LPIN2: variants seen among roughly 807,000 people sequenced by gnomAD.
LPIN2 encodes lipin 2, also known as phosphatidate phosphatase LPIN2.
Under a neutral mutation model 111.4 loss-of-function variants are expected in LPIN2, and 55 were observed. The ratio of observed to expected loss-of-function variants is 0.49; its 90% CI spans 0.40 to 0.62. LPIN2 has a LOEUF of 0.62. Ranked by LOEUF, LPIN2 falls within the 20% of genes least tolerant of loss-of-function variation. The pLI is 0.00. For missense variants in LPIN2, 992 were observed against 1,112.1 expected (o/e 0.89, Z 1.54); for synonymous variants, 425 against 414.0 (o/e 1.03, Z -0.32).
intron 1 of LPIN2, among the ~76,000 whole-genome samples, chr18:2,970,096 T>C (rs1434526750): frequency 6.6e-6 from 1 of 152,246 alleles, no homozygotes; most frequent in Non-Finnish European, 1.5e-5. Context: ...TAAGGACCCC[T>C]TCCACAATTA....
intron 4 of LPIN2, among the ~76,000 whole-genome samples, chr18:2,949,635 A>G (rs994643373): frequency 6.6e-6 from 1 of 152,180 alleles, no homozygotes; most frequent in East Asian, 1.9e-4. Flanking sequence ...AAAAATGGCT[A>G]TGTTACTTAT....
intron 6 of LPIN2, 57 bp from the exon 7 acceptor site, chr18:2,938,094 T>G (rs1206025968): frequency 1.5e-6 from 2 of 1,347,508 alleles, no homozygotes; most frequent in African/African-American, 2.9e-5. Context: ...TGTTATAATC[T>G]ATTTCCTAAG....
At chr18:2,968,773 G>C (rs2077852335) in intron 1 of LPIN2, among the ~76,000 whole-genome samples, 1 of 152,200 alleles carries the variant, frequency 6.6e-6, no homozygotes, top group South Asian at 2.1e-4. Context: ...CTTTGACCCT[G>C]TGCAAGTTTA....
intron 2 of LPIN2, among the ~76,000 whole-genome samples, chr18:2,958,256 A>G (rs2077654810): frequency 6.6e-6 from 1 of 151,796 alleles, no homozygotes; most frequent in Non-Finnish European, 1.5e-5. Context: ...TATCAAGTAC[A>G]CATTTACCTT....
At position 2,931,344 on chromosome 18, in the gene LPIN2, G is replaced by A. The variant is rs748919467; in HGVS notation, c.1368C>T (p.Thr456=). 31 of 1,613,996 alleles carry A rather than the reference G, an allele frequency of 1.9e-5. No individual in the cohort carries two copies. The highest frequency in any genetic ancestry group is 1.1e-4 in the East Asian group (5 of 44,898). The part of the protein sequence containing the change: ...SVGSAAADSG[T]ECLSDSAMDL... ...CCATGGCAGAATCTGAGAGGCACTC[G>A]GTGCCGCTATCTGCAGCTGCGCTTC... The change falls in exon 9 of 20, where the codon ACC becomes ACT. Residue 456 remains threonine, a synonymous_variant. Coordinates refer to ENST00000677752, the MANE Select transcript of LPIN2 (RefSeq NM_001375808.2).
At chr18:3,004,325 G>C (rs748817457) in intron 1 of LPIN2, among the ~76,000 whole-genome samples, 2 of 152,056 alleles carry the variant, frequency 1.3e-5, no homozygotes, top group Admixed American at 6.6e-5. Context: ...TTTGGGGCTC[G>C]GGGTCATCAT....
chr18:3,012,891 G>A lies in LPIN2; in HGVS notation c.-10+196C>T, dbSNP rs938401102. 9.2e-5 allele frequency among the ~76,000 whole-genome samples: 14 copies of A among 151,652 alleles called. No individual in the cohort carries two copies. In the South Asian group the frequency reaches 2.3e-3, roughly 25 times the overall value. On this transcript the variant is annotated intron_variant, in intron 1 of 19. Transcript: ENST00000677752. ...CGTCTACGTGGCGCGGTCGCGGCGA[G>A]GCGGGGACTGGGACGCGAGGACCGG...
intron 18 of LPIN2, 162 bp from the exon 19 acceptor site, chr18:2,921,043 AAACT>A: frequency 1.5e-6 from 1 of 687,704 alleles, no homozygotes; most frequent in Non-Finnish European, 2.6e-6. Flanking sequence ...AGACAAACCT[AAACT>A]ACAGAGTGGT....
intron 1 of LPIN2, among the ~76,000 whole-genome samples, chr18:3,003,633 TTTC>T (rs1406640090): frequency 6.6e-6 from 1 of 152,236 alleles, no homozygotes; most frequent in Non-Finnish European, 1.5e-5. Context: ...CATCTTATAA[TTTC>T]TTATGTCTGT....
chr18:2,937,385 A>C (rs1434837802), intron 7 of LPIN2, among the ~76,000 whole-genome samples: 1 of 151,978 alleles, frequency 6.6e-6, no homozygotes, highest in African/African-American at 2.4e-5. Context: ...CTCTATTAAA[A>C]ATACAAAAAA....
intron 2 of LPIN2, among the ~76,000 whole-genome samples, chr18:2,958,141 CAA>C (rs1224779773): frequency 8.4e-5 from 1 of 11,952 alleles, no homozygotes; most frequent in African/African-American, 1.9e-4. Flanking sequence ...GACTCCATCT[CAA>C]AAAAAAAAAA....
intron 13 of LPIN2, among the ~76,000 whole-genome samples, chr18:2,926,392 G>T (rs1023566027): frequency 6.6e-6 from 1 of 152,182 alleles, no homozygotes; most frequent in African/African-American, 2.4e-5. Context: ...AAGCCAACCT[G>T]GAGATTATTT....
chr18:2,984,182 G>T (rs1399525297), intron 1 of LPIN2, among the ~76,000 whole-genome samples: 1 of 152,068 alleles, frequency 6.6e-6, no homozygotes, highest in Non-Finnish European at 1.5e-5. Context: ...ACATTAAGTG[G>T]CAGAATTAAA....
rs1472661411 is a variant in LPIN2, at chr18:2,917,511, C to G, written c.*2782G>C. The G allele has an allele frequency of 1.3e-5, 2 of 152,262 alleles. No homozygotes were observed. The highest frequency in any genetic ancestry group is 2.9e-5 in the Non-Finnish European group (2 of 68,058). The allele number at this position is 152,262 out of a possible 1,614,324, so 9.4% of individuals were successfully genotyped here. ...AGTTGCAGGGGCTGTTCCGGGCCAG[C>G]GCTTCCCAGTCATCCAATCTCCTTT... On this transcript the variant is annotated 3_prime_UTR_variant, in exon 20 of 20. Transcript: ENST00000677752.
At chr18:2,989,755 T>C (rs1175836794) in intron 1 of LPIN2, among the ~76,000 whole-genome samples, 1 of 151,994 alleles carries the variant, frequency 6.6e-6, no homozygotes, top group Admixed American at 6.6e-5. Context: ...ACCCCGCCTC[T>C]ACAAAAAATA....
chr18:2,949,310 G>A (rs2077499624), intron 4 of LPIN2, among the ~76,000 whole-genome samples: 1 of 152,134 alleles, frequency 6.6e-6, no homozygotes, highest in African/African-American at 2.4e-5. Context: ...TAAAAGTAGA[G>A]TTCAGAACAT....
intron 1 of LPIN2, among the ~76,000 whole-genome samples, chr18:3,011,353 C>T (rs2078599300): frequency 6.6e-6 from 1 of 152,164 alleles, no homozygotes; most frequent in East Asian, 1.9e-4. Flanking sequence ...TCATTTCTAG[C>T]TTTCTATGGC....
At chr18:2,949,757 A>G (rs554114375) in intron 4 of LPIN2, among the ~76,000 whole-genome samples, 4 of 152,228 alleles carry the variant, frequency 2.6e-5, no homozygotes, top group Non-Finnish European at 5.9e-5. Flanking sequence ...GGATTATACT[A>G]TGTTATTCAT....
At chr18:2,920,751 C>T (rs907442938) in intron 19 of LPIN2, 27 bp downstream of exon 19, 6 of 1,573,660 alleles carry the variant, frequency 3.8e-6, no homozygotes, top group Non-Finnish European at 5.2e-6. Context: ...TGCAGGGCGC[C>T]GGGCTGAGAG....
Sources: allele counts gnomAD v4.1 joint callset (sites outside exome capture counted in the v4.1 genomes callset), GRCh38; gene constraint gnomAD v4.1.1; transcripts MANE v1.5; gene names NCBI Gene and HGNC (gene_info 2026-07-23, HGNC 2026-07-21).